CTNND2: variants seen among roughly 807,000 people sequenced by gnomAD.
The protein encoded by CTNND2 is catenin delta 2, also known as catenin delta-2.
A neutral mutation model predicts 144.4 loss-of-function variants in CTNND2; 22 were observed. The ratio of observed to expected loss-of-function variants is 0.15; its 90% CI spans 0.11 to 0.22. The LOEUF is 0.22. Ranked by LOEUF, CTNND2 falls within the 10% of genes least tolerant of loss-of-function variation. The pLI is 1.00. For missense variants in CTNND2, 1,353 were observed against 1,618.8 expected (o/e 0.84, Z 2.82); for synonymous variants, 751 against 695.6 (o/e 1.08, Z -1.25).
intron 9 of CTNND2, among the ~76,000 whole-genome samples, chr5:11,278,396 T>A (rs1410777300): frequency 6.6e-6 from 1 of 152,148 alleles, no homozygotes; most frequent in Non-Finnish European, 1.5e-5. Flanking sequence ...CTGGAAAGCA[T>A]GAAGAACAAT....
Position 10,972,128 on chromosome 5 carries a change from G to T in CTNND2, c.*1325C>A, listed in dbSNP as rs564174684. The T allele has an allele frequency of 1.3e-5, 2 of 152,754 alleles. No individual in the cohort carries two copies. Among genetic ancestry groups the T allele is most frequent in the East Asian group, 3.9e-4 (2 of 5,188 alleles). 9.5% of individuals were successfully genotyped at this position (152,754 alleles called of 1,614,324 possible). On this transcript the variant is annotated 3_prime_UTR_variant, in exon 22 of 22. Transcript: ENST00000304623. ...TTTCTGTGGATACTTCAAGTAATTG[G>T]CCCCAAAGTGAAACTGAATTGGCCA... is the stretch of plus-strand genomic sequence containing the variant.
In CTNND2 at chr5:11,207,001, T is replaced by C. The variant is rs1276997735; in HGVS notation, c.1762-7340A>G. ...ACTTCACAGTAGGAGATTTAATCTA[T>C]TGGATGTTTCATAAGAATACATGCT... On this transcript the variant is annotated intron_variant, in intron 10 of 21. Transcript: ENST00000304623. 3.3e-5 allele frequency among the ~76,000 whole-genome samples: 5 copies of C among 152,182 alleles called. No homozygotes were observed. The East Asian group carries it at 9.6e-4, about 29-fold the overall frequency.
intron 18 of CTNND2, among the ~76,000 whole-genome samples, chr5:10,996,824 C>T (rs923783891): frequency 1.3e-5 from 2 of 152,058 alleles, no homozygotes; most frequent in Admixed American, 6.5e-5. Context: ...GTCTTGATCT[C>T]CTGACCTCTT....
At chr5:11,427,998 A>G (rs990543339) in intron 3 of CTNND2, among the ~76,000 whole-genome samples, 3 of 152,188 alleles carry the variant, frequency 2.0e-5, no homozygotes, top group Admixed American at 6.5e-5. Flanking sequence ...GCAAGAGCAA[A>G]TGAGGAAGAA....
chr5:11,267,725 T>C (rs552097646), intron 9 of CTNND2, among the ~76,000 whole-genome samples: 2 of 152,372 alleles, frequency 1.3e-5, no homozygotes, highest in Non-Finnish European at 2.9e-5. Context: ...TCTTCAGTTC[T>C]AGTAGCTCAT....
chr5:11,749,567 C>G (rs1007434025), intron 1 of CTNND2, among the ~76,000 whole-genome samples: 4 of 151,884 alleles, frequency 2.6e-5, no homozygotes, highest in Non-Finnish European at 5.9e-5. Flanking sequence ...AGGAAGAAAT[C>G]AAGGAAAATA....
intron 15 of CTNND2, chr5:11,083,974 C>A (rs1330245204): frequency 3.7e-6 from 4 of 1,086,066 alleles, no homozygotes; most frequent in Admixed American, 5.0e-5. Context: ...AATATGAAAT[C>A]AAAAAAACAA....
intron 1 of CTNND2, among the ~76,000 whole-genome samples, chr5:11,802,120 A>G (rs1050017218): frequency 1.3e-5 from 2 of 152,042 alleles, no homozygotes; most frequent in South Asian, 2.1e-4. Context: ...TAAAAACACA[A>G]AAATTAGCCA....
At chr5:11,012,893 A>C (rs1297857407) in intron 18 of CTNND2, among the ~76,000 whole-genome samples, 2 of 152,230 alleles carry the variant, frequency 1.3e-5, no homozygotes, top group Non-Finnish European at 2.9e-5. Context: ...CCAAAGGGAT[A>C]CCAACAAACT....
intron 9 of CTNND2, among the ~76,000 whole-genome samples, chr5:11,264,949 A>G (rs26459): frequency 0.15 from 23,045 of 152,064 alleles, 1,977 homozygotes; most frequent in African/African-American, 0.22. Context: ...ATAAATAAAT[A>G]AATAGCAAGC....
chr5:11,887,650 T>C (rs1736655920), intron 1 of CTNND2, among the ~76,000 whole-genome samples: 1 of 152,260 alleles, frequency 6.6e-6, no homozygotes, highest in African/African-American at 2.4e-5. Context: ...TGATACATTA[T>C]TATTAACTAA....
intron 9 of CTNND2, among the ~76,000 whole-genome samples, chr5:11,314,329 A>T (rs1394651300): frequency 6.6e-6 from 1 of 152,104 alleles, no homozygotes; most frequent in African/African-American, 2.4e-5. Flanking sequence ...AGTCAGACTC[A>T]AAGCTATGTT....
At chr5:11,104,609 G>A (rs529756974) in intron 14 of CTNND2, among the ~76,000 whole-genome samples, 80 of 152,140 alleles carry the variant, frequency 5.3e-4, no homozygotes, top group Non-Finnish European at 1.0e-3. Flanking sequence ...CCAGTTAACT[G>A]TAAAAAGCCA....
Position 11,903,137 on chromosome 5 carries a change from G to A in CTNND2, c.37+680C>T. 2 of 957,814 alleles carry A rather than the reference G, an allele frequency of 2.1e-6. No homozygotes were observed. The highest frequency in any genetic ancestry group is 1.2e-6 in the Non-Finnish European group (1 of 804,782). 59.3% of individuals were successfully genotyped at this position (957,814 alleles called of 1,614,324 possible). On this transcript the variant is annotated intron_variant, in intron 1 of 21. Coordinates refer to ENST00000304623, the MANE Select transcript of CTNND2 (RefSeq NM_001332.4). This position sits in a 1 kb window ranked among gnomAD's most constrained non-coding sequence, Gnocchi z 5.4. ...TTACGGATCACCCCAATTTTGCATC[G>A]CTCATCTCCCATACACACGCACAGC...
chr5:10,973,624 C>G lies in CTNND2; in HGVS notation c.3507G>C (p.Glu1169Asp). ...GGTGGACCTGGTCCTCGAAGAAGGA[C>G]TCATCGTAATTTCTTGTGGAATTCT... Reference protein sequence around the residue: ...PFQNSTRNYDESFFEDQVHHR... With the variant: ...PFQNSTRNYDDSFFEDQVHHR... Residue 1169 changes from glutamate (E) to aspartate (D), a missense_variant, in exon 22 of 22, where the codon GAG becomes GAC. By Grantham distance (45) the Glu-to-Asp change is conservative (BLOSUM62 2). Transcript: ENST00000304623. The surrounding 1 kb of genome is among the most constrained non-coding windows in gnomAD (Gnocchi z 5.6). 6.2e-7 allele frequency: 1 copy of G among 1,614,146 alleles called. No homozygotes were observed. Among genetic ancestry groups the G allele is most frequent in the Non-Finnish European group, 8.5e-7 (1 of 1,180,004 alleles).
chr5:11,464,516 C>G (rs940015710), intron 3 of CTNND2, among the ~76,000 whole-genome samples: 10 of 152,114 alleles, frequency 6.6e-5, no homozygotes, highest in African/African-American at 2.4e-4. Flanking sequence ...AACTAGGGCA[C>G]AGTCATTGTT....
chr5:11,551,781 A>C (rs972996797), intron 3 of CTNND2, among the ~76,000 whole-genome samples: 3 of 151,972 alleles, frequency 2.0e-5, no homozygotes, highest in Admixed American at 6.6e-5. Flanking sequence ...TTGTATTTTT[A>C]GTAGGCACAA....
chr5:11,505,197 T>TA (rs5865951), intron 3 of CTNND2, among the ~76,000 whole-genome samples: 179 of 144,804 alleles, frequency 1.2e-3, no homozygotes, highest in Middle Eastern at 7.0e-3. Context: ...GAGGAATCAT[T>TA]AAAAAAAAAA....
chr5:11,241,486 C>T (rs1742445766), intron 9 of CTNND2, among the ~76,000 whole-genome samples: 1 of 152,344 alleles, frequency 6.6e-6, no homozygotes, highest in East Asian at 1.9e-4. Flanking sequence ...TGTCTCCAGG[C>T]AGTTGACTTC....
Sources: gnomAD v4.1 joint callset for allele counts (sites outside exome capture counted in the v4.1 genomes callset) on GRCh38, gnomAD v4.1.1 for gene constraint, Gnocchi (gnomAD v3.1) non-coding constraint, MANE v1.5 for transcripts, NCBI Gene and HGNC (gene_info 2026-07-23, HGNC 2026-07-21) for gene names.